The following CLSTN2 variants were observed in gnomAD, a reference collection of about 807,000 sequenced individuals.
CLSTN2 encodes calsyntenin-2.
In CLSTN2, 48 loss-of-function variants were observed where a neutral mutation model predicts 101.2. The ratio of observed to expected loss-of-function variants is 0.47; its 90% CI spans 0.38 to 0.60. CLSTN2 has a LOEUF of 0.60. CLSTN2 is among the 20% of genes least tolerant of loss of function. The pLI is 0.00. For synonymous variants in CLSTN2, 481 were observed against 463.6 expected (o/e 1.04, Z -0.48); for missense variants, 1,160 against 1,238.2 (o/e 0.94, Z 0.95).
At chr3:140,309,233 C>G (rs1308784214) in intron 2 of CLSTN2, among the ~76,000 whole-genome samples, 1 of 152,128 alleles carries the variant, frequency 6.6e-6, no homozygotes, top group Non-Finnish European at 1.5e-5. Context: ...CCTGGCCTAC[C>G]TGGCATCCGA....
chr3:140,184,937 T>A (rs370588326), intron 2 of CLSTN2, among the ~76,000 whole-genome samples: 4 of 152,078 alleles, frequency 2.6e-5, no homozygotes, highest in African/African-American at 7.2e-5. Flanking sequence ...AGACTCCCAC[T>A]CCAAGAGGAG....
chr3:140,340,115 C>A (rs577497977), intron 2 of CLSTN2, among the ~76,000 whole-genome samples: 1 of 126,174 alleles, frequency 7.9e-6, no homozygotes, highest in African/African-American at 2.6e-5. Context: ...AGGCTCCTCT[C>A]CCTCCCCTTC....
At chr3:140,285,641 G>A (rs539931783) in intron 2 of CLSTN2, among the ~76,000 whole-genome samples, 28 of 152,302 alleles carry the variant, frequency 1.8e-4, no homozygotes, top group Non-Finnish European at 3.7e-4. Flanking sequence ...CCTCCCTAGG[G>A]TTTCTAATTC....
At chr3:139,975,345 T>C (rs1935798308) in intron 1 of CLSTN2, among the ~76,000 whole-genome samples, 1 of 152,144 alleles carries the variant, frequency 6.6e-6, no homozygotes, top group Non-Finnish European at 1.5e-5. Context: ...CTGCAGGACC[T>C]GGGCTTGATT....
intron 5 of CLSTN2, among the ~76,000 whole-genome samples, chr3:140,437,168 C>A (rs1033598224): frequency 6.6e-6 from 1 of 151,926 alleles, no homozygotes; most frequent in African/African-American, 2.4e-5. Flanking sequence ...CCTGCCTCAG[C>A]CTCCTGAGTA....
At chr3:140,044,808 T>C (rs1348400884) in intron 1 of CLSTN2, among the ~76,000 whole-genome samples, 2 of 152,188 alleles carry the variant, frequency 1.3e-5, no homozygotes, top group Admixed American at 1.3e-4. Flanking sequence ...TTGTCTTTGG[T>C]TCTGTTTATA....
At chr3:140,304,598 C>T (rs1310672420) in intron 2 of CLSTN2, among the ~76,000 whole-genome samples, 1 of 152,242 alleles carries the variant, frequency 6.6e-6, no homozygotes, top group Non-Finnish European at 1.5e-5. Flanking sequence ...CAAATACCCT[C>T]ATATTGGGAG....
chr3:140,193,678 C>A (rs1253009951), intron 2 of CLSTN2, among the ~76,000 whole-genome samples: 3 of 152,024 alleles, frequency 2.0e-5, no homozygotes, highest in African/African-American at 7.2e-5. Context: ...AGGTTTGTAT[C>A]TTTTGCCAAA....
chr3:140,111,055 G>A (rs1033419345), intron 1 of CLSTN2, among the ~76,000 whole-genome samples: 1 of 152,114 alleles, frequency 6.6e-6, no homozygotes, highest in Non-Finnish European at 1.5e-5. Context: ...GCACATCCAA[G>A]GTTTAATGTG....
chr3:140,528,063 A>G (rs1452975552), intron 8 of CLSTN2, among the ~76,000 whole-genome samples: 1 of 152,184 alleles, frequency 6.6e-6, no homozygotes, highest in African/African-American at 2.4e-5. Flanking sequence ...TCAATCTAAA[A>G]TAAAAGTTGA....
At chr3:140,092,067 C>G (rs1210445945) in intron 1 of CLSTN2, among the ~76,000 whole-genome samples, 1 of 152,192 alleles carries the variant, frequency 6.6e-6, no homozygotes, top group Admixed American at 6.5e-5. Context: ...GCCCCACCCT[C>G]TAAGTCTGTC....
intron 2 of CLSTN2, among the ~76,000 whole-genome samples, chr3:140,334,666 A>C (rs916346976): frequency 2.0e-5 from 3 of 152,242 alleles, no homozygotes; most frequent in Non-Finnish European, 4.4e-5. Context: ...TGTGAAGCTG[A>C]AAGAAGGGTC....
intron 8 of CLSTN2, among the ~76,000 whole-genome samples, chr3:140,485,639 T>A (rs1222738710): frequency 6.6e-6 from 1 of 152,104 alleles, no homozygotes; most frequent in Non-Finnish European, 1.5e-5. Context: ...GTTTACCTAC[T>A]CAAGCCTCGG....
chr3:140,552,268 G>C (rs1935716911), intron 10 of CLSTN2, among the ~76,000 whole-genome samples: 1 of 152,106 alleles, frequency 6.6e-6, no homozygotes, highest in Non-Finnish European at 1.5e-5. Flanking sequence ...AGATACCCAA[G>C]GGCGAGTGAG....
intron 1 of CLSTN2, among the ~76,000 whole-genome samples, chr3:139,973,069 C>G (rs979712363): frequency 1.3e-5 from 2 of 152,174 alleles, no homozygotes; most frequent in Non-Finnish European, 2.9e-5. Context: ...GGAAACTGCT[C>G]CTTATTTGGT....
At chr3:140,155,440 G>T (rs2009938925) in intron 1 of CLSTN2, among the ~76,000 whole-genome samples, 1 of 152,172 alleles carries the variant, frequency 6.6e-6, no homozygotes, top group Admixed American at 6.5e-5. Flanking sequence ...CTGAGGAGCA[G>T]GTCTGGGGAG....
chr3:140,055,780 CA>C (rs1212668544), intron 1 of CLSTN2, among the ~76,000 whole-genome samples: 2 of 152,180 alleles, frequency 1.3e-5, no homozygotes, highest in Non-Finnish European at 2.9e-5. Context: ...ATCTCATTTT[CA>C]GAGCCTAGTT....
rs564185733 is a variant in CLSTN2 at position 140,165,246 on chromosome 3, G to C, written c.110-10705G>C. On this transcript the variant is annotated intron_variant, in intron 1 of 16. Transcript: ENST00000458420. ...CAAATGTCACCCTAAGATTTGGGAG[G>C]CATGCCCTTTCTATTTGCGTGATAC... Among the ~76,000 whole-genome samples the C allele has an allele frequency of 1.3e-3, 199 of 152,224 alleles. 1 individual carries two copies. In the Middle Eastern group the frequency reaches 0.02, roughly 16 times the overall value.
chr3:140,032,019 A>G (rs2007562382), intron 1 of CLSTN2, among the ~76,000 whole-genome samples: 1 of 152,214 alleles, frequency 6.6e-6, no homozygotes, highest in South Asian at 2.1e-4. Context: ...GAACACTGTT[A>G]CATGGTGCTC....
Sources: gnomAD v4.1 joint callset for allele counts (sites outside exome capture counted in the v4.1 genomes callset) on GRCh38, gnomAD v4.1.1 for gene constraint, MANE v1.5 for transcripts, NCBI Gene and HGNC (gene_info 2026-07-23, HGNC 2026-07-21) for gene names.